PLCG2: variants seen among roughly 807,000 people sequenced by gnomAD.
PLCG2 encodes the protein phospholipase C gamma 2.
PLCG2 carries 69 observed loss-of-function variants against 175.6 expected under a neutral mutation model. The ratio of observed to expected loss-of-function variants is 0.39; its 90% CI spans 0.32 to 0.48. PLCG2 has a LOEUF of 0.48. Among genes scored for constraint, PLCG2 ranks in the 20% least tolerant of loss-of-function variants. The probability of loss-of-function intolerance (pLI) is 0.91; values close to 1 mark genes in which losing one functional copy is unlikely to be tolerated. For synonymous variants in PLCG2, 827 were observed against 624.0 expected, an observed-to-expected ratio of 1.33 and a Z score of -4.85; for missense variants, 1,798 against 1,650.9, an observed-to-expected ratio of 1.09 and a Z score of -1.54.
In PLCG2 at chr16:81,961,090, G is replaced by T. The variant is rs543241149; in HGVS notation, c.*3092G>T. 3 of 231,414 alleles carry T rather than the reference G, an allele frequency of 1.3e-5. No individual in the cohort carries two copies. Among genetic ancestry groups the T allele is most frequent in the East Asian group, 1.2e-4 (2 of 16,294 alleles). 14.3% of individuals were successfully genotyped at this position (231,414 alleles called of 1,614,324 possible). A position where few individuals can be genotyped will look rare whatever the true frequency, so the allele number is the denominator to read the frequency against. On this transcript the variant is annotated 3_prime_UTR_variant, in exon 33 of 33. Transcript: ENST00000564138. ...GCAAATGGATTTTCCAAGTTTTTCT[G>T]GTGGTTCCAAATTTTTTGCTTTCAA...
intron 11 of PLCG2, among the ~76,000 whole-genome samples, chr16:81,892,955 C>G (rs1181380610): frequency 6.6e-6 from 1 of 151,938 alleles, no homozygotes; most frequent in East Asian, 1.9e-4. Flanking sequence ...ACAGATTCTC[C>G]TGCCTCAGCC....
intron 22 of PLCG2, among the ~76,000 whole-genome samples, chr16:81,924,933 T>A (rs1910202663): frequency 6.6e-6 from 1 of 152,176 alleles, no homozygotes; most frequent in Non-Finnish European, 1.5e-5. Context: ...TGGCACAGAG[T>A]TGAGGTCTCT....
At chr16:81,939,500 A>C (rs1910851169) in intron 29 of PLCG2, among the ~76,000 whole-genome samples, 1 of 152,174 alleles carries the variant, frequency 6.6e-6, no homozygotes, top group African/African-American at 2.4e-5. Context: ...CTGCTCTGTG[A>C]GGCTGGGCTC....
intron 3 of PLCG2, among the ~76,000 whole-genome samples, chr16:81,856,817 T>C (rs1597357315): frequency 6.6e-6 from 1 of 152,122 alleles, no homozygotes; most frequent in East Asian, 1.9e-4. Context: ...ATGGGAAATA[T>C]CCTGGACTAT....
At chr16:81,835,570 C>T (rs534915319) in intron 2 of PLCG2, among the ~76,000 whole-genome samples, 1 of 150,310 alleles carries the variant, frequency 6.7e-6, no homozygotes, top group Admixed American at 6.8e-5. Context: ...CAGAGCAAGA[C>T]TCGGTCTCAA....
At chr16:81,833,065 G>T (rs927769691) in intron 2 of PLCG2, among the ~76,000 whole-genome samples, 4 of 152,208 alleles carry the variant, frequency 2.6e-5, no homozygotes, top group South Asian at 2.1e-4. Context: ...CAGAGAGGGG[G>T]TGTCTTGTGG....
intron 2 of PLCG2, among the ~76,000 whole-genome samples, chr16:81,831,929 C>G (rs1410132640): frequency 6.6e-6 from 1 of 152,198 alleles, no homozygotes. Flanking sequence ...CTCATTTGCA[C>G]AGGCAAAGCG....
At chr16:81,815,635 T>G (rs997251893) in intron 2 of PLCG2, among the ~76,000 whole-genome samples, 28 of 152,316 alleles carry the variant, frequency 1.8e-4, no homozygotes, top group African/African-American at 6.7e-4. Context: ...AAGTCCCTCT[T>G]CAGCTGCTGG....
At chr16:81,777,514 A>G (rs1446055873), upstream of PLCG2, among the ~76,000 whole-genome samples, 3 of 151,812 alleles carry the variant, frequency 2.0e-5, no homozygotes, top group East Asian at 1.9e-4. Context: ...AATTGGCCCA[A>G]TGACTTCAAG....
At chr16:81,787,423 A>C (rs1442152313) in intron 2 of PLCG2, among the ~76,000 whole-genome samples, 2 of 46,116 alleles carry the variant, frequency 4.3e-5, no homozygotes, top group African/African-American at 1.6e-4. Flanking sequence ...TAGAGATGGG[A>C]TCTCACTATG....
intron 2 of PLCG2, among the ~76,000 whole-genome samples, chr16:81,760,323 G>A (rs1406221649): frequency 2.0e-5 from 3 of 152,120 alleles, no homozygotes; most frequent in Non-Finnish European, 4.4e-5. Context: ...GGCTCAGGGT[G>A]CTGCACCCTC....
At chr16:81,893,235 A>G (rs1016014645) in intron 11 of PLCG2, among the ~76,000 whole-genome samples, 14 of 152,178 alleles carry the variant, frequency 9.2e-5, no homozygotes, top group African/African-American at 2.7e-4. Flanking sequence ...TTCTTACGGC[A>G]GTTTTGGTGG....
At chr16:81,845,593 C>T (rs991664350) in intron 2 of PLCG2, among the ~76,000 whole-genome samples, 1 of 152,240 alleles carries the variant, frequency 6.6e-6, no homozygotes, top group African/African-American at 2.4e-5. Flanking sequence ...CTCCTGGGAA[C>T]ATGAATTTGC....
At chr16:81,747,355 TG>T in intron 1 of PLCG2, among the ~76,000 whole-genome samples, 1 of 152,206 alleles carries the variant, frequency 6.6e-6, no homozygotes, top group East Asian at 1.9e-4. Context: ...GCCAACATGT[TG>T]AAACCCCATC....
At chr16:81,781,004 G>A (rs1490499539) in intron 1 of PLCG2, among the ~76,000 whole-genome samples, 1 of 151,576 alleles carries the variant, frequency 6.6e-6, no homozygotes, top group African/African-American at 2.4e-5. Context: ...TCCAGCCTGG[G>A]TGACAAGAGA....
intron 8 of PLCG2, among the ~76,000 whole-genome samples, chr16:81,881,350 G>T (rs1380419916): frequency 2.0e-5 from 3 of 152,152 alleles, no homozygotes; most frequent in Middle Eastern, 3.2e-3. Flanking sequence ...TGTATAAACT[G>T]CTTCACATGA....
chr16:81,812,994 ATG>A (rs1904384054), intron 2 of PLCG2, among the ~76,000 whole-genome samples: 1 of 152,010 alleles, frequency 6.6e-6, no homozygotes, highest in Admixed American at 6.6e-5. Flanking sequence ...TAGATGTGTG[ATG>A]TTATTTCTGA....
At chr16:81,795,716 C>G (rs978577046) in intron 2 of PLCG2, among the ~76,000 whole-genome samples, 2 of 151,662 alleles carry the variant, frequency 1.3e-5, no homozygotes, top group Non-Finnish European at 2.9e-5. Context: ...TTTTTCTCCC[C>G]AAGAGATGGG....
At chr16:81,952,945 CA>C (rs1275473086) in intron 31 of PLCG2, among the ~76,000 whole-genome samples, 3 of 152,212 alleles carry the variant, frequency 2.0e-5, no homozygotes, top group African/African-American at 7.2e-5. Flanking sequence ...CCATCTTAAT[CA>C]GATGATCAAC....
Sources: gnomAD v4.1 joint callset for allele counts (sites outside exome capture counted in the v4.1 genomes callset) on GRCh38, gnomAD v4.1.1 for gene constraint, MANE v1.5 for transcripts, NCBI Gene and HGNC (gene_info 2026-07-23, HGNC 2026-07-21) for gene names.